Variants in AADACL4 observed in about 807,000 individuals in gnomAD.
AADACL4 encodes arylacetamide deacetylase-like 4.
In AADACL4, 9 loss-of-function variants were observed where a neutral mutation model predicts 14.1. The ratio of observed to expected loss-of-function variants is 0.64; its 90% confidence interval spans 0.39 to 1.12. The LOEUF (loss-of-function observed/expected upper bound fraction) is 1.12, where lower values mean the gene tolerates loss of function less well. AADACL4 is among the 50% of genes most tolerant of loss of function. The probability of loss-of-function intolerance (pLI) is 0.01; values close to 1 mark genes in which losing one functional copy is unlikely to be tolerated. For synonymous variants in AADACL4, 188 were observed against 201.6 expected (o/e 0.93, Z 0.57); for missense variants, 531 against 516.1 (o/e 1.03, Z -0.28).
At chr1:12,665,879 A>G in intron 3 of AADACL4, 82 bp from the exon 4 acceptor site, 1 of 1,382,754 alleles carries the variant, frequency 7.2e-7, no homozygotes. Context: ...TAGTCTTGTA[A>G]GGGGGTTGAG....
intron 3 of AADACL4, among the ~76,000 whole-genome samples, chr1:12,663,039 T>C (rs889181141): frequency 6.6e-6 from 1 of 152,148 alleles, no homozygotes; most frequent in Admixed American, 6.5e-5. Flanking sequence ...GCAGTTTTGA[T>C]AGAGTGGCTC....
chr1:12,653,274 T>C (rs1647160184), intron 2 of AADACL4, among the ~76,000 whole-genome samples: 1 of 152,198 alleles, frequency 6.6e-6, no homozygotes, highest in Admixed American at 6.5e-5. Context: ...GTAATTGCAG[T>C]GTTTGCCATA....
chr1:12,654,706 G>A (rs1373780211), intron 2 of AADACL4, among the ~76,000 whole-genome samples: 1 of 152,182 alleles, frequency 6.6e-6, no homozygotes, highest in South Asian at 2.1e-4. Flanking sequence ...TCAGGATAAG[G>A]TTATGGCTGA....
At chr1:12,647,986 G>A (rs1483917876) in intron 1 of AADACL4, among the ~76,000 whole-genome samples, 1 of 151,954 alleles carries the variant, frequency 6.6e-6, no homozygotes, top group Non-Finnish European at 1.5e-5. Flanking sequence ...TTGTTTTTGA[G>A]ATGGAGTCTT....
chr1:12,661,223 C>T (rs1255739203), intron 2 of AADACL4, among the ~76,000 whole-genome samples: 7 of 152,176 alleles, frequency 4.6e-5, no homozygotes, highest in Admixed American at 4.6e-4. Context: ...GAGGTTTAGC[C>T]TGGGCCTGAG....
intron 2 of AADACL4, among the ~76,000 whole-genome samples, chr1:12,651,828 A>ATTT (rs34997722): frequency 0.03 from 3,714 of 124,110 alleles, 230 homozygotes; most frequent in African/African-American, 0.1. Flanking sequence ...AGCTAGGAGG[A>ATTT]TTTTTTTTTT....
intron 1 of AADACL4, among the ~76,000 whole-genome samples, chr1:12,647,894 G>C (rs1172741372): frequency 1.3e-5 from 2 of 152,120 alleles, no homozygotes; most frequent in African/African-American, 2.4e-5. Context: ...CTGGGCTCAA[G>C]AGATCCGCCT....
At position 12,666,586 on chromosome 1, in the gene AADACL4, C is replaced by A. The variant is rs149313289; in HGVS notation, c.1075C>A (p.Arg359Ser). 10 of 1,614,044 alleles carry A rather than the reference C, an allele frequency of 6.2e-6. No homozygotes were observed. Among genetic ancestry groups the A allele is most frequent in the Middle Eastern group, 1.6e-4 (1 of 6,084 alleles). Residue 359 changes from arginine to serine, a missense_variant, in exon 4 of 4, where the codon CGC (arginine) becomes AGC (serine). Transcript: ENST00000376221. The stretch of plus-strand genomic sequence containing the variant: ...TGATGACAGCTTGCTCTATAAGAAG[C>A]GCTTGGAGGACCAGGGGGTCCGCGT... ...LRDDSLLYKK[R>S]LEDQGVRVTW...
Position 12,651,327 on chromosome 1 carries a change from T to C in AADACL4, c.373T>C (p.Phe125Leu). The C allele has an allele frequency of 1.9e-6, 3 of 1,614,140 alleles. No individual in the cohort carries two copies. Among genetic ancestry groups the C allele is most frequent in the Non-Finnish European group, 2.5e-6 (3 of 1,180,026 alleles). ...IIFYHGGATV[F>L]GSLDCYHGLC... is the part of the protein sequence containing the mutation. ...CTTCTACCATGGAGGGGCCACAGTA[T>C]TTGGGAGCCTGGGTAAGGGGCTTCC... The change falls in exon 2 of 4, where the codon TTT becomes CTT. Residue 125 changes from phenylalanine (F) to leucine (L), a missense_variant. Transcript: ENST00000376221.
chr1:12,647,181 C>T (rs148193343), intron 1 of AADACL4, among the ~76,000 whole-genome samples: 1 of 151,694 alleles, frequency 6.6e-6, no homozygotes, highest in Non-Finnish European at 1.5e-5. Context: ...GCAGCCTCCA[C>T]CTCCTGGGTT....
intron 3 of AADACL4, among the ~76,000 whole-genome samples, chr1:12,662,524 C>T (rs1647245128): frequency 6.6e-6 from 1 of 152,026 alleles, no homozygotes; most frequent in African/African-American, 2.4e-5. Flanking sequence ...CAACCCTGGT[C>T]CTATAAAAAC....
Position 12,665,989 on chromosome 1 carries a change from C to T in AADACL4, c.478C>T (p.Pro160Ser), listed in dbSNP as rs1207432877. 1.9e-6 allele frequency: 3 copies of T among 1,612,390 alleles called. No individual in the cohort carries two copies. Among genetic ancestry groups the T allele is most frequent in the Non-Finnish European group, 2.5e-6 (3 of 1,178,708 alleles). ...CCGCAAGCTTCCTGACCACCATTCC[C>T]CTGCCCTTTTCCAAGACTGCATGAA... ...GYRKLPDHHS[P>S]ALFQDCMNAS... is the part of the protein sequence containing the mutation. Residue 160 changes from proline to serine, a missense_variant, in exon 4 of 4, where the codon CCT becomes TCT. Pro to Ser is a moderately conservative substitution (Grantham distance 74). Coordinates refer to ENST00000376221, the MANE Select transcript of AADACL4 (RefSeq NM_001013630.2).
At chr1:12,665,775 G>A (rs1441812332) in intron 3 of AADACL4, among the ~76,000 whole-genome samples, 186 bp from the exon 4 acceptor site, 1 of 152,220 alleles carries the variant, frequency 6.6e-6, no homozygotes, top group Admixed American at 6.5e-5. Flanking sequence ...ATCCTTGCCT[G>A]TATGACTCTA....
intron 1 of AADACL4, among the ~76,000 whole-genome samples, chr1:12,649,050 C>A (rs1459919398): frequency 1.3e-5 from 2 of 151,770 alleles, no homozygotes; most frequent in South Asian, 2.1e-4. Flanking sequence ...GTGGTAGGAA[C>A]AAACATGGGT....
Position 12,651,294 on chromosome 1 carries a change from G to A in AADACL4, c.340G>A (p.Gly114Ser). The A allele has an allele frequency of 1.9e-6, 3 of 1,614,196 alleles. No individual in the cohort carries two copies. The highest frequency in any genetic ancestry group is 2.5e-6 in the Non-Finnish European group (3 of 1,180,030). ...GGCAGCATCCTCCAGACCCCGGCGA[G>A]GCATCATCTTCTACCATGGAGGGGC... ...PKAASSRPRR[G>S]IIFYHGGATV... Residue 114 changes from glycine (G) to serine (S), a missense_variant, in exon 2 of 4, where the codon GGC (glycine) becomes AGC (serine). Transcript: ENST00000376221.
chr1:12,648,496 A>C (rs1647126213), intron 1 of AADACL4, among the ~76,000 whole-genome samples: 1 of 151,238 alleles, frequency 6.6e-6, no homozygotes, highest in African/African-American at 2.4e-5. Flanking sequence ...TTCCGGGTTC[A>C]AGTAATTTTC....
At chr1:12,647,823 C>CT (rs1325916211) in intron 1 of AADACL4, among the ~76,000 whole-genome samples, 1 of 151,912 alleles carries the variant, frequency 6.6e-6, no homozygotes, top group Non-Finnish European at 1.5e-5. Context: ...GCCCAGATAA[C>CT]TTTTTTGTAT....
At chr1:12,658,101 C>CTT (rs1647194798) in intron 2 of AADACL4, among the ~76,000 whole-genome samples, 5 of 106,878 alleles carry the variant, frequency 4.7e-5, no homozygotes, top group Admixed American at 9.8e-5. Flanking sequence ...CTTTCTTTCT[C>CTT]TCTTTCTTTC....
chr1:12,651,963 G>C (rs572833096), intron 2 of AADACL4, among the ~76,000 whole-genome samples: 1 of 151,626 alleles, frequency 6.6e-6, no homozygotes, highest in East Asian at 1.9e-4. Flanking sequence ...CAAGTAGCTG[G>C]GACTACAGGT....
Sources: gnomAD v4.1 joint callset for allele counts (sites outside exome capture counted in the v4.1 genomes callset) on GRCh38, gnomAD v4.1.1 for gene constraint, MANE v1.5 for transcripts, NCBI Gene and HGNC (gene_info 2026-07-23, HGNC 2026-07-21) for gene names.